Variants in PLEKHA8 observed in about 807,000 individuals in gnomAD.
PLEKHA8 encodes the protein pleckstrin homology domain containing A8, also known as pleckstrin homology domain-containing family A member 8.
In PLEKHA8, 36 loss-of-function variants were observed where a neutral mutation model predicts 68.2. The ratio of observed to expected loss-of-function variants is 0.53; its 90% CI spans 0.40 to 0.70. PLEKHA8 has a LOEUF of 0.70. PLEKHA8 is among the 30% of genes least tolerant of loss of function. The pLI is 0.00. For synonymous variants in PLEKHA8, 211 were observed against 216.1 expected (o/e 0.98, Z 0.20); for missense variants, 505 against 615.4 (o/e 0.82, Z 1.90).
chr7:30,028,868 G>A (rs975460413), intron 1 of PLEKHA8, 66 bp downstream of exon 1: 1 of 1,241,940 alleles, frequency 8.1e-7, no homozygotes, highest in Non-Finnish European at 1.0e-6. Flanking sequence ...GCTGGAGGGC[G>A]GTGTCTGGAC....
chr7:30,062,066 T>TG (rs1437918948), intron 11 of PLEKHA8, 39 bp downstream of exon 11: 3 of 1,571,878 alleles, frequency 1.9e-6, no homozygotes, highest in Non-Finnish European at 2.6e-6. Flanking sequence ...AAAATCTAGC[T>TG]CAAAAAAAAT....
rs920996379 is a variant in PLEKHA8 at position 30,049,309 on chromosome 7, C to T, written c.524C>T (p.Ala175Val). 1.9e-6 allele frequency: 3 copies of T among 1,614,106 alleles called. No homozygotes were observed. The highest frequency in any genetic ancestry group is 2.7e-5 in the African/African-American group (2 of 75,040). Reference protein sequence around the residue: ...TLEECMQIANAAFTSELLYRT... With the variant: ...TLEECMQIANVAFTSELLYRT... ...GAAGAATGCATGCAGATCGCAAATG[C>T]AGCCTTCACCTCTGAGCTGCTCTAC... The change falls in exon 5 of 14, where the codon GCA becomes GTA. Residue 175 changes from alanine to valine, a missense_variant. Ala to Val is a moderately conservative substitution (Grantham distance 64). Transcript: ENST00000449726.
intron 13 of PLEKHA8, among the ~76,000 whole-genome samples, chr7:30,110,963 G>C (rs1796254506): frequency 6.7e-6 from 1 of 150,030 alleles, no homozygotes; most frequent in Admixed American, 6.6e-5. Flanking sequence ...GGAGTGCAGT[G>C]GCGCGATCTT....
In PLEKHA8 at chr7:30,028,412, G is replaced by A. The variant is rs10260418; in HGVS notation, c.-351G>A. 0.25 allele frequency: 57,669 copies of A among 229,438 alleles called. 7,916 individuals carry two copies. The highest frequency in any genetic ancestry group is 0.37 in the African/African-American group (16,385 of 43,952). 14.2% of individuals were successfully genotyped at this position (229,438 alleles called of 1,614,324 possible). A position where few individuals can be genotyped will look rare whatever the true frequency, so the allele number is the denominator to read the frequency against. Reference sequence around the variant, plus strand: ...GGCCCGGCGAGTCGAGGGTTCAGGTGGTGCGCCGTGGCGCCGCCTGCGACC... The same window carrying A: ...GGCCCGGCGAGTCGAGGGTTCAGGTAGTGCGCCGTGGCGCCGCCTGCGACC... On this transcript the variant is annotated 5_prime_UTR_variant, in exon 1 of 14. Coordinates refer to ENST00000449726, the MANE Select transcript of PLEKHA8 (RefSeq NM_001197026.2).
chr7:30,042,675 G>T (rs1791630290), intron 1 of PLEKHA8, among the ~76,000 whole-genome samples: 1 of 152,154 alleles, frequency 6.6e-6, no homozygotes, highest in South Asian at 2.1e-4. Context: ...CCCTAATTAG[G>T]TCACTTAATT....
intron 13 of PLEKHA8, among the ~76,000 whole-genome samples, chr7:30,096,362 G>C (rs1795619489): frequency 1.3e-5 from 2 of 152,140 alleles, no homozygotes; most frequent in Admixed American, 6.5e-5. Flanking sequence ...TGGGATTTTT[G>C]CACATTGATT....
Position 30,056,312 on chromosome 7 carries a change from C to CTCTCTCTCTCTCTCTCTA in PLEKHA8, c.1039+971_1039+972insCTCTCTCTCTCTCTCTAT, listed in dbSNP as rs796845171. Among the ~76,000 whole-genome samples, 63 of 94,542 alleles carry CTCTCTCTCTCTCTCTCTA rather than the reference C, an allele frequency of 6.7e-4. 2 individuals carry two copies. Among genetic ancestry groups the CTCTCTCTCTCTCTCTCTA allele is most frequent in the Non-Finnish European group, 7.6e-4 (36 of 47,280 alleles). 62.0% of individuals were successfully genotyped at this position (94,542 alleles called of 152,430 possible). ...TCTCTCTCTCTCTCTCTCTCTCTCT[C>CTCTCTCTCTCTCTCTCTA]TATATATATATATATATATAAATAA... is the stretch of plus-strand genomic sequence containing the variant. On this transcript the variant is annotated intron_variant, in intron 9 of 13. Coordinates refer to ENST00000449726, the MANE Select transcript of PLEKHA8 (RefSeq NM_001197026.2).
At chr7:30,118,663 C>T (rs933541504) in intron 13 of PLEKHA8, among the ~76,000 whole-genome samples, 7 of 151,988 alleles carry the variant, frequency 4.6e-5, no homozygotes, top group African/African-American at 1.4e-4. Context: ...CTGCAAGCTC[C>T]GCCTGCCGGG....
intron 1 of PLEKHA8, among the ~76,000 whole-genome samples, chr7:30,044,679 A>C (rs932211166): frequency 5.9e-5 from 9 of 152,234 alleles, no homozygotes; most frequent in Admixed American, 2.6e-4. Context: ...AGAGGAAGGC[A>C]AGCATGTGAT....
intron 13 of PLEKHA8, among the ~76,000 whole-genome samples, chr7:30,115,482 G>C (rs13311060): frequency 6.6e-6 from 1 of 150,706 alleles, no homozygotes; most frequent in Non-Finnish European, 1.5e-5. Context: ...ACATGTATAC[G>C]TGTATGTAGA....
intron 12 of PLEKHA8, among the ~76,000 whole-genome samples, chr7:30,067,500 T>G (rs1381891522): frequency 1.3e-5 from 2 of 152,134 alleles, no homozygotes; most frequent in Non-Finnish European, 1.5e-5. Context: ...ATTTAGGCAT[T>G]TAACAAATAT....
chr7:30,078,535 A>G, intron 13 of PLEKHA8, 55 bp from the exon 14 acceptor site: 6 of 1,583,300 alleles, frequency 3.8e-6, no homozygotes, highest in Non-Finnish European at 4.3e-6. Flanking sequence ...ATGCATAAAA[A>G]TAAGAGTGTG....
At chr7:30,115,830 AC>A (rs534123372) in intron 13 of PLEKHA8, 2 of 142,896 alleles carry the variant, frequency 1.4e-5, no homozygotes, top group South Asian at 4.4e-4. Flanking sequence ...ACATGCGTGC[AC>A]ATACATGTAT....
chr7:30,088,583 A>T (rs1255030094), downstream of PLEKHA8, among the ~76,000 whole-genome samples: 1 of 152,212 alleles, frequency 6.6e-6, no homozygotes, highest in East Asian at 1.9e-4. Flanking sequence ...GCCAGATCAC[A>T]GCCCCTTCAT....
chr7:30,114,049 C>T (rs989194911), intron 13 of PLEKHA8, among the ~76,000 whole-genome samples: 2 of 152,052 alleles, frequency 1.3e-5, no homozygotes, highest in Non-Finnish European at 2.9e-5. Context: ...CAGGTGCACA[C>T]CACCATGACT....
downstream of PLEKHA8, among the ~76,000 whole-genome samples, chr7:30,095,607 T>C (rs1795583088): frequency 6.6e-6 from 1 of 152,284 alleles, no homozygotes; most frequent in Non-Finnish European, 1.5e-5. Flanking sequence ...CCCATGCCTA[T>C]GTCCTGAATG....
chr7:30,044,291 C>T (rs563008747), intron 1 of PLEKHA8, among the ~76,000 whole-genome samples: 3 of 152,112 alleles, frequency 2.0e-5, no homozygotes, highest in Non-Finnish European at 4.4e-5. Context: ...AGGCGTGAGC[C>T]ACCACGCCTG....
At chr7:30,040,291 T>G (rs1391263524) in intron 1 of PLEKHA8, among the ~76,000 whole-genome samples, 1 of 152,190 alleles carries the variant, frequency 6.6e-6, no homozygotes, top group African/African-American at 2.4e-5. Context: ...TCATCCAGAT[T>G]TTCTTCCTTC....
At chr7:30,088,138 C>T (rs114511248), downstream of PLEKHA8, among the ~76,000 whole-genome samples, 667 of 152,356 alleles carry the variant, frequency 4.4e-3, 6 homozygotes, top group African/African-American at 0.015. Flanking sequence ...CAAAACCATA[C>T]ACTTCTATTC....
Sources: gnomAD v4.1 joint callset for allele counts (sites outside exome capture counted in the v4.1 genomes callset) on GRCh38, gnomAD v4.1.1 for gene constraint, MANE v1.5 for transcripts, NCBI Gene and HGNC (gene_info 2026-07-23, HGNC 2026-07-21) for gene names.